The following PTPRD variants were observed in gnomAD, a reference collection of about 807,000 sequenced individuals.
PTPRD encodes the protein protein tyrosine phosphatase receptor type D.
Under a neutral mutation model 214.5 loss-of-function variants are expected in PTPRD, and 34 were observed. The ratio of observed to expected loss-of-function variants is 0.16; its 90% CI spans 0.12 to 0.21. The LOEUF (loss-of-function observed/expected upper bound fraction) is 0.21. Ranked by LOEUF, PTPRD falls within the 10% of genes least tolerant of loss-of-function variation. PTPRD has a pLI of 1.00. For missense variants in PTPRD, 2,545 were observed against 2,398.7 expected (o/e 1.06, Z -1.27); for synonymous variants, 1,128 against 845.7 (o/e 1.33, Z -5.79).
Position 10,145,442 on chromosome 9 carries a change from A to G in PTPRD, c.-544-111652T>C, listed in dbSNP as rs141197245. 1.5e-3 allele frequency among the ~76,000 whole-genome samples: 221 copies of G among 152,268 alleles called. 3 individuals carry two copies. In the East Asian group the frequency reaches 0.027, roughly 19 times the overall value. The stretch of plus-strand genomic sequence containing the variant: ...AAGACTTTTATGATGATCCACTTCC[A>G]CTTAATAAATTGTAAACGTATTTTC... On this transcript the variant is annotated intron_variant, in intron 3 of 45. Coordinates refer to ENST00000381196, the MANE Select transcript of PTPRD (RefSeq NM_002839.4).
chr9:9,312,951 C>G (rs1595617356), intron 9 of PTPRD, among the ~76,000 whole-genome samples: 1 of 152,164 alleles, frequency 6.6e-6, no homozygotes, highest in East Asian at 1.9e-4. Flanking sequence ...AATCCACCAC[C>G]ACTATGGCTA....
At chr9:8,939,052 A>C (rs893469136) in intron 11 of PTPRD, among the ~76,000 whole-genome samples, 2 of 152,110 alleles carry the variant, frequency 1.3e-5, no homozygotes, top group Non-Finnish European at 2.9e-5. Flanking sequence ...TTTATTTTTT[A>C]TACTATGTAA....
At chr9:10,509,829 T>C (rs555961198) in intron 2 of PTPRD, among the ~76,000 whole-genome samples, 7 of 151,852 alleles carry the variant, frequency 4.6e-5, no homozygotes, top group African/African-American at 1.7e-4. Flanking sequence ...TATATATGCA[T>C]GTATACCAAC....
intron 11 of PTPRD, among the ~76,000 whole-genome samples, chr9:8,826,108 G>C (rs10815964): frequency 1.3e-5 from 2 of 151,794 alleles, no homozygotes; most frequent in East Asian, 3.9e-4. Flanking sequence ...CACAGATAAA[G>C]GCCTGTATCT....
chr9:9,740,553 G>T (rs1323877310), intron 6 of PTPRD, among the ~76,000 whole-genome samples: 3 of 151,954 alleles, frequency 2.0e-5, no homozygotes, highest in Non-Finnish European at 4.4e-5. Context: ...AGTAGAGACG[G>T]GGTTTCACCG....
At chr9:10,062,281 C>T (rs551339141) in intron 3 of PTPRD, among the ~76,000 whole-genome samples, 2 of 152,094 alleles carry the variant, frequency 1.3e-5, no homozygotes, top group African/African-American at 2.4e-5. Flanking sequence ...AAGCACAATC[C>T]ATTAGCCTTT....
intron 5 of PTPRD, among the ~76,000 whole-genome samples, chr9:9,798,714 G>T (rs2099019767): frequency 6.6e-6 from 1 of 152,316 alleles, no homozygotes; most frequent in East Asian, 1.9e-4. Flanking sequence ...CATATGTAGA[G>T]AAGAGAACAA....
At chr9:10,063,198 T>G (rs991153686) in intron 3 of PTPRD, among the ~76,000 whole-genome samples, 2 of 152,074 alleles carry the variant, frequency 1.3e-5, no homozygotes, top group Non-Finnish European at 2.9e-5. Context: ...TTGTGTAAAT[T>G]CAGCAAAATT....
intron 5 of PTPRD, among the ~76,000 whole-genome samples, chr9:9,795,886 T>C (rs1355070536): frequency 6.6e-6 from 1 of 152,016 alleles, no homozygotes; most frequent in East Asian, 1.9e-4. Flanking sequence ...CCAAATATAC[T>C]AGAAAAAATA....
intron 10 of PTPRD, among the ~76,000 whole-genome samples, chr9:9,145,630 A>C (rs2099867355): frequency 6.6e-6 from 1 of 152,126 alleles, no homozygotes; most frequent in Non-Finnish European, 1.5e-5. Flanking sequence ...CTTGGAGTGG[A>C]TCTAAGAAGG....
chr9:10,526,214 T>C (rs1425044876), intron 2 of PTPRD, among the ~76,000 whole-genome samples: 2 of 152,122 alleles, frequency 1.3e-5, no homozygotes, highest in African/African-American at 4.8e-5. Context: ...GCGCATTTCA[T>C]TCAGATGAAG....
chr9:10,434,334 T>C (rs1342044644), intron 2 of PTPRD, among the ~76,000 whole-genome samples: 3 of 151,878 alleles, frequency 2.0e-5, no homozygotes, highest in Non-Finnish European at 4.4e-5. Flanking sequence ...ATGTATTAGA[T>C]CAAAGATTCC....
chr9:8,677,688 G>C (rs1439188690), intron 12 of PTPRD, among the ~76,000 whole-genome samples: 3 of 152,108 alleles, frequency 2.0e-5, no homozygotes, highest in Middle Eastern at 3.2e-3. Context: ...AAATGTGATA[G>C]CCAGATTATT....
At chr9:8,474,278 C>T (rs547852988) in intron 30 of PTPRD, among the ~76,000 whole-genome samples, 1 of 152,164 alleles carries the variant, frequency 6.6e-6, no homozygotes, top group Non-Finnish European at 1.5e-5. Context: ...GTACCTCCCC[C>T]AGCATCTCCT....
intron 3 of PTPRD, among the ~76,000 whole-genome samples, chr9:10,126,377 A>C (rs1357286100): frequency 3.3e-5 from 5 of 150,952 alleles, no homozygotes; most frequent in African/African-American, 1.2e-4. Flanking sequence ...ACTCATTTTC[A>C]AGGGTTCAGT....
At chr9:8,479,818 G>A (rs968342753) in intron 30 of PTPRD, among the ~76,000 whole-genome samples, 1 of 152,108 alleles carries the variant, frequency 6.6e-6, no homozygotes, top group Admixed American at 6.5e-5. Flanking sequence ...TTTTCCTGAA[G>A]AGACATGCAT....
At chr9:9,093,436 T>C (rs920754397) in intron 10 of PTPRD, among the ~76,000 whole-genome samples, 2 of 151,920 alleles carry the variant, frequency 1.3e-5, no homozygotes, top group Non-Finnish European at 2.9e-5. Flanking sequence ...TTCCAGGCCA[T>C]AAAACAAGTC....
At chr9:8,453,509 G>C (rs1360568892) in intron 33 of PTPRD, among the ~76,000 whole-genome samples, 1 of 152,096 alleles carries the variant, frequency 6.6e-6, no homozygotes, top group Non-Finnish European at 1.5e-5. Flanking sequence ...TTTGTCTTTT[G>C]GCTGAAAAAA....
At chr9:8,399,127 A>T (rs1278847273) in intron 36 of PTPRD, among the ~76,000 whole-genome samples, 2 of 140,172 alleles carry the variant, frequency 1.4e-5, no homozygotes, top group Admixed American at 1.5e-4. Context: ...TGAAGAAGCT[A>T]ATCATCTCAT....
Sources: gnomAD v4.1 joint callset for allele counts (sites outside exome capture counted in the v4.1 genomes callset) on GRCh38, gnomAD v4.1.1 for gene constraint, MANE v1.5 for transcripts, NCBI Gene and HGNC (gene_info 2026-07-23, HGNC 2026-07-21) for gene names.